Variants in CSMD2 observed in about 807,000 individuals in gnomAD.
CSMD2 encodes CUB and Sushi multiple domains 2, also known as CUB and sushi domain-containing protein 2.
Under a neutral mutation model 398.5 loss-of-function variants are expected in CSMD2, and 130 were observed. The observed-to-expected ratio is 0.33, with a 90% CI of 0.28 to 0.38. CSMD2 has a LOEUF of 0.38. CSMD2 is among the 10% of genes least tolerant of loss of function. CSMD2 has a pLI of 1.00. For synonymous variants in CSMD2, 1,828 were observed against 1,908.5 expected (o/e 0.96, Z 1.10); for missense variants, 3,829 against 4,764.9 (o/e 0.80, Z 5.78).
chr1:33,788,441 G>A lies in CSMD2; in HGVS notation c.1663+159C>T, dbSNP rs539533229. 1.8e-4 allele frequency among the ~76,000 whole-genome samples: 27 copies of A among 151,160 alleles called. No homozygotes were observed. The South Asian group carries it at 5.2e-3, about 29-fold the overall frequency. On this transcript the variant is annotated intron_variant, in intron 12 of 70. Transcript: ENST00000373381. ...GAGAATCACTTGAACCTGGGAGGCG[G>A]AGGCTGTAGTGAGCTAAGATCGTGC...
At position 33,624,530 on chromosome 1, in the gene CSMD2, C is replaced by T. The variant is rs778440219; in HGVS notation, c.5614G>A (p.Ala1872Thr). Residue 1872 changes from alanine (A) to threonine (T), a missense_variant, in exon 35 of 71, where the codon GCT (alanine) becomes ACT (threonine). Physicochemically the swap from Ala to Thr is moderately conservative, Grantham distance 58 (BLOSUM62 0). Coordinates refer to ENST00000373381, the MANE Select transcript of CSMD2 (RefSeq NM_001281956.2). The surrounding 1 kb of genome is among the most constrained non-coding windows in gnomAD (Gnocchi z 4.7). The part of the protein sequence containing the change: ...CVWKIVVPEG[A>T]GIQIQVVSFV... ...CCCCTTGCCCCTACCTGGATGCCAG[C>T]GCCTTCGGGGACCACGATCTTCCAC... is the stretch of plus-strand genomic sequence containing the variant. The T allele has an allele frequency of 1.5e-5, 25 of 1,613,702 alleles. No homozygotes were observed. Among genetic ancestry groups the T allele is most frequent in the Middle Eastern group, 1.6e-4 (1 of 6,080 alleles).
chr1:33,801,023 C>T (rs187814343), intron 10 of CSMD2, among the ~76,000 whole-genome samples: 1 of 152,262 alleles, frequency 6.6e-6, no homozygotes, highest in African/African-American at 2.4e-5. Flanking sequence ...GCACTAGCTG[C>T]CGATCACCTG....
chr1:33,863,491 T>G (rs1639703276), intron 5 of CSMD2: 1 of 152,224 alleles, frequency 6.6e-6, no homozygotes, highest in African/African-American at 2.4e-5. Flanking sequence ...TTCAGAGAAA[T>G]GAAGAGTTCC....
intron 1 of CSMD2, among the ~76,000 whole-genome samples, chr1:34,114,541 A>T (rs1298582340): frequency 2.0e-5 from 3 of 151,834 alleles, no homozygotes; most frequent in African/African-American, 7.3e-5. Context: ...TCTAAAAACA[A>T]TTTTTTTTAA....
At chr1:33,806,018 T>C (rs1295404661) in intron 10 of CSMD2, among the ~76,000 whole-genome samples, 2 of 152,050 alleles carry the variant, frequency 1.3e-5, no homozygotes, top group East Asian at 3.9e-4. Context: ...TGAGTACCTT[T>C]TAAAAATTCG....
At chr1:34,028,853 C>T (rs1043395188) in intron 3 of CSMD2, among the ~76,000 whole-genome samples, 3 of 152,240 alleles carry the variant, frequency 2.0e-5, no homozygotes, top group Non-Finnish European at 4.4e-5. Context: ...CAAGCACCTT[C>T]TGTCATCTCA....
chr1:33,960,416 A>T (rs932046375), intron 3 of CSMD2, among the ~76,000 whole-genome samples: 1 of 152,234 alleles, frequency 6.6e-6, no homozygotes, highest in Admixed American at 6.5e-5. Context: ...ACTGACTTGG[A>T]ACCCTGATGC....
At chr1:34,147,182 C>T (rs1447014401) in intron 1 of CSMD2, among the ~76,000 whole-genome samples, 2 of 151,958 alleles carry the variant, frequency 1.3e-5, no homozygotes, top group South Asian at 2.1e-4. Flanking sequence ...GGCATGAACC[C>T]GGGAGGCAGA....
rs1659694788 is a variant in CSMD2, at chr1:33,572,564, A to G, written c.7704T>C (p.Thr2568=). Residue 2568 remains threonine, a synonymous_variant, in exon 50 of 71, where the codon ACT becomes ACC. Coordinates refer to ENST00000373381, the MANE Select transcript of CSMD2 (RefSeq NM_001281956.2). ...GYHLQAGAEA[T]AECLDTGLWS... is the part of the protein sequence containing the mutation. The stretch of plus-strand genomic sequence containing the variant: ...ATAGGCCTGTGTCCAGACACTCTGC[A>G]GTGGCCTCAGCGCCTGCCTGGAGGT... 6.2e-7 allele frequency: 1 copy of G among 1,614,124 alleles called. No individual in the cohort carries two copies. Among genetic ancestry groups the G allele is most frequent in the Non-Finnish European group, 8.5e-7 (1 of 1,180,018 alleles).
chr1:33,575,080 C>T (rs115024924), intron 49 of CSMD2, among the ~76,000 whole-genome samples: 1,742 of 152,256 alleles, frequency 0.011, 29 homozygotes, highest in African/African-American at 0.04. Flanking sequence ...GATCTCCATG[C>T]CAAAATGCAG....
Position 33,857,502 on chromosome 1 carries a change from G to A in CSMD2, c.921-10506C>T, listed in dbSNP as rs138198723. Among the ~76,000 whole-genome samples the A allele has an allele frequency of 1.7e-3, 261 of 152,172 alleles. 2 individuals carry two copies. Among genetic ancestry groups the A allele is most frequent in the African/African-American group, 6.0e-3 (249 of 41,508 alleles). On this transcript the variant is annotated intron_variant, in intron 5 of 70. Coordinates refer to ENST00000373381, the MANE Select transcript of CSMD2 (RefSeq NM_001281956.2). ...TCAGATGCTACAAAGGCCCTCTCTC[G>A]GTGCCCCATCTCTGTTGTGCTCTGC...
At chr1:33,712,063 C>G (rs990850535) in intron 21 of CSMD2, among the ~76,000 whole-genome samples, 8 of 152,210 alleles carry the variant, frequency 5.3e-5, no homozygotes, top group Admixed American at 5.2e-4. Flanking sequence ...ACAGTCACAA[C>G]CACAGGTAAG....
At chr1:33,568,547 G>A (rs12057591) in intron 52 of CSMD2, among the ~76,000 whole-genome samples, 32,797 of 152,120 alleles carry the variant, frequency 0.22, 3,658 homozygotes, top group South Asian at 0.26. Context: ...CTACATTAAG[G>A]CAGTCAAAAC....
chr1:33,541,026 G>A (rs1656282146), intron 59 of CSMD2, 104 bp downstream of exon 59: 9 of 1,162,378 alleles, frequency 7.7e-6, no homozygotes, highest in Non-Finnish European at 9.9e-6. Context: ...AAGATGTTAG[G>A]GCTGGCCTTT....
chr1:33,880,769 A>T (rs1223227430), intron 5 of CSMD2, among the ~76,000 whole-genome samples: 1 of 152,204 alleles, frequency 6.6e-6, no homozygotes, highest in Non-Finnish European at 1.5e-5. Flanking sequence ...AGAAAGTACA[A>T]ATTTTGCAGA....
intron 25 of CSMD2, among the ~76,000 whole-genome samples, chr1:33,670,050 A>G (rs183702139): frequency 2.6e-5 from 4 of 152,246 alleles, no homozygotes; most frequent in African/African-American, 9.6e-5. Flanking sequence ...ATTTTAAGCT[A>G]TTCAGTTTGT....
chr1:33,796,903 C>G (rs537929535), intron 10 of CSMD2, among the ~76,000 whole-genome samples: 7 of 152,290 alleles, frequency 4.6e-5, no homozygotes, highest in African/African-American at 1.7e-4. Context: ...CTGGGAGTGT[C>G]TGTCTTATGT....
At chr1:33,874,928 T>C (rs1483356888) in intron 5 of CSMD2, among the ~76,000 whole-genome samples, 1 of 152,112 alleles carries the variant, frequency 6.6e-6, no homozygotes, top group Non-Finnish European at 1.5e-5. Flanking sequence ...CAGCTGCGAG[T>C]ACATTTGTGA....
intron 1 of CSMD2, among the ~76,000 whole-genome samples, chr1:34,153,142 G>C (rs187661149): frequency 6.6e-6 from 1 of 152,080 alleles, no homozygotes; most frequent in Non-Finnish European, 1.5e-5. Context: ...CCAGCCTCCC[G>C]AGTAGCTGGG....
Sources: allele counts gnomAD v4.1 joint callset (sites outside exome capture counted in the v4.1 genomes callset), GRCh38; gene constraint gnomAD v4.1.1; non-coding constraint Gnocchi (gnomAD v3.1); transcripts MANE v1.5; gene names NCBI Gene and HGNC (gene_info 2026-07-23, HGNC 2026-07-21).